Variants in ANK3 observed in about 807,000 individuals in gnomAD.
ANK3 encodes the protein ankyrin 3.
Under a neutral mutation model 370.9 loss-of-function variants are expected in ANK3, and 57 were observed. The observed-to-expected ratio is 0.15, with a 90% confidence interval of 0.12 to 0.19. The LOEUF (loss-of-function observed/expected upper bound fraction) is 0.19. Ranked by LOEUF, ANK3 falls within the 10% of genes least tolerant of loss-of-function variation. The probability of loss-of-function intolerance (pLI) is 1.00; values close to 1 mark genes in which losing one functional copy is unlikely to be tolerated. For missense variants in ANK3, 4,439 were observed against 5,302.1 expected, an observed-to-expected ratio of 0.84 and a Z score of 5.06; for synonymous variants, 1,929 against 1,946.3, an observed-to-expected ratio of 0.99 and a Z score of 0.23.
chr10:60,243,274 T>A (rs965973091), intron 7 of ANK3, among the ~76,000 whole-genome samples: 2 of 152,174 alleles, frequency 1.3e-5, no homozygotes, highest in African/African-American at 4.8e-5. Context: ...CCCCCTAATT[T>A]TATATGTTAG....
intron 1 of ANK3, among the ~76,000 whole-genome samples, chr10:60,307,191 A>T (rs2045328941): frequency 6.6e-6 from 1 of 152,258 alleles, no homozygotes; most frequent in Admixed American, 6.5e-5. Context: ...CTGTCATACT[A>T]CAATGACAGA....
chr10:60,078,362 C>T (rs10994182), intron 36 of ANK3, among the ~76,000 whole-genome samples: 37,773 of 152,084 alleles, frequency 0.25, 4,943 homozygotes, highest in East Asian at 0.53. Context: ...CCATAATTCT[C>T]AATATTATAT....
chr10:60,110,187 A>C (rs1444243405), intron 26 of ANK3, among the ~76,000 whole-genome samples: 1 of 152,118 alleles, frequency 6.6e-6, no homozygotes, highest in East Asian at 1.9e-4. Flanking sequence ...CTGCAAACAG[A>C]TTTTAAGACC....
chr10:60,638,678 TA>T (rs778013015), intron 1 of ANK3, among the ~76,000 whole-genome samples: 2 of 151,464 alleles, frequency 1.3e-5, no homozygotes, highest in Non-Finnish European at 2.9e-5. Flanking sequence ...AAGAGAGAAC[TA>T]AAAAAAATAT....
At chr10:60,704,569 G>A (rs1049074308) in intron 1 of ANK3, among the ~76,000 whole-genome samples, 60 of 152,144 alleles carry the variant, frequency 3.9e-4, no homozygotes, top group South Asian at 2.1e-4. Context: ...TGGGGGTGAC[G>A]TTAGAAAAAC....
At chr10:60,138,492 T>C (rs2094443646) in intron 24 of ANK3, 1 of 397,796 alleles carries the variant, frequency 2.5e-6, no homozygotes, top group African/African-American at 2.1e-5. Context: ...AAACACTTGG[T>C]GGACAACTTT....
intron 1 of ANK3, among the ~76,000 whole-genome samples, chr10:60,350,368 T>C (rs1190651256): frequency 6.6e-6 from 1 of 152,184 alleles, no homozygotes; most frequent in Non-Finnish European, 1.5e-5. Context: ...GAAAGAGCTA[T>C]GGTTTAAATA....
chr10:60,703,947 G>A (rs7910802), intron 1 of ANK3, among the ~76,000 whole-genome samples: 4,207 of 152,230 alleles, frequency 0.028, 71 homozygotes, highest in Non-Finnish European at 0.044. Flanking sequence ...GATCTGATAG[G>A]ATGTGGTGGA....
chr10:60,445,083 C>T (rs1322306252), intron 2 of ANK3, among the ~76,000 whole-genome samples: 2 of 152,096 alleles, frequency 1.3e-5, no homozygotes, highest in Non-Finnish European at 2.9e-5. Flanking sequence ...ATGCAATATT[C>T]TAGATTACAA....
intron 40 of ANK3, chr10:60,062,884 G>T: frequency 2.9e-6 from 1 of 341,834 alleles, no homozygotes; most frequent in Non-Finnish European, 5.2e-6. Flanking sequence ...GATACCTTAG[G>T]CGTTCATACG....
chr10:60,526,795 T>C (rs1261229913), intron 2 of ANK3, among the ~76,000 whole-genome samples: 2 of 152,154 alleles, frequency 1.3e-5, no homozygotes, highest in African/African-American at 4.8e-5. Context: ...CCAGGCTCAG[T>C]GCAGTTTATT....
intron 1 of ANK3, among the ~76,000 whole-genome samples, chr10:60,725,833 C>G (rs939082432): frequency 6.6e-6 from 1 of 152,070 alleles, no homozygotes; most frequent in Non-Finnish European, 1.5e-5. Context: ...AGTGAATGAG[C>G]CTAAAGCTTG....
intron 18 of ANK3, among the ~76,000 whole-genome samples, chr10:60,179,387 C>G (rs10821694): frequency 6.6e-6 from 1 of 152,044 alleles, no homozygotes; most frequent in African/African-American, 2.4e-5. Flanking sequence ...TGCCAGATAT[C>G]ATACGGGGTA....
Position 60,075,404 on chromosome 10 carries a change from G to C in ANK3, c.5477C>G (p.Ser1826Cys), listed in dbSNP as rs148806240. ...TGGTTCTGGCAAAACATTGACTACA[G>C]AGTATACTGGCACTGTTATAATTGA... ...TSSIITVPVY[S>C]VVNVLPEPAL... The change falls in exon 37 of 44, where the codon TCT (serine) becomes TGT (cysteine). Residue 1826 changes from serine (S) to cysteine (C), a missense_variant. Ser to Cys is a moderately radical substitution (Grantham distance 112). This residue lies in a region of ANK3 where 679 missense variants were observed against 791.0 expected (regional missense o/e 0.86). Coordinates refer to ENST00000280772, the MANE Select transcript of ANK3 (RefSeq NM_020987.5). 103 of 1,613,676 alleles carry C rather than the reference G, an allele frequency of 6.4e-5. 1 individual carries two copies. Among genetic ancestry groups the C allele is most frequent in the Non-Finnish European group, 5.9e-6 (7 of 1,180,004 alleles).
chr10:60,083,793 C>T (rs2085913034), intron 32 of ANK3, 176 bp from the exon 33 acceptor site: 1 of 532,362 alleles, frequency 1.9e-6, no homozygotes, highest in African/African-American at 2.0e-5. Flanking sequence ...TACAACTCAC[C>T]AACTGTAATT....
At chr10:60,404,102 T>C (rs1172672467) in intron 2 of ANK3, among the ~76,000 whole-genome samples, 1 of 152,180 alleles carries the variant, frequency 6.6e-6, no homozygotes, top group Admixed American at 6.5e-5. Context: ...ATTAAAGATC[T>C]ATATTAAGGT....
At position 60,608,382 on chromosome 10, in the gene ANK3, T is replaced by C. The variant is rs570094217; in HGVS notation, c.96+6804A>G. Among the ~76,000 whole-genome samples the C allele has an allele frequency of 3.9e-5, 6 of 152,348 alleles. No individual in the cohort carries two copies. In the East Asian group the frequency reaches 9.6e-4, roughly 24 times the overall value. On this transcript the variant is annotated intron_variant, in intron 2 of 43. Transcript: ENST00000373827. ...AATATATATATGTCCTACTTTTCTA[T>C]GGCCTGAGAAGGAAGCATTTTTTAT...
chr10:60,666,991 G>T (rs927524620), intron 1 of ANK3, among the ~76,000 whole-genome samples: 4 of 151,824 alleles, frequency 2.6e-5, no homozygotes, highest in African/African-American at 9.7e-5. Flanking sequence ...TAAATATCAG[G>T]TGAACAATGA....
intron 28 of ANK3, among the ~76,000 whole-genome samples, chr10:60,094,931 G>A (rs1229591643): frequency 6.6e-6 from 1 of 152,104 alleles, no homozygotes; most frequent in Non-Finnish European, 1.5e-5. Context: ...TTTTAAAAAA[G>A]GAAAGTGAAA....
Sources: allele counts gnomAD v4.1 joint callset (sites outside exome capture counted in the v4.1 genomes callset), GRCh38; gene constraint gnomAD v4.1.1; regional missense constraint gnomAD v4.1.1; transcripts MANE v1.5; gene names NCBI Gene and HGNC (gene_info 2026-07-23, HGNC 2026-07-21).